NADK: variants seen among roughly 807,000 people sequenced by gnomAD.
The protein encoded by NADK is poly(P)/ATP NAD kinase.
NADK carries 22 observed loss-of-function variants against 49.8 expected under a neutral mutation model. The ratio of observed to expected loss-of-function variants is 0.44; its 90% confidence interval spans 0.32 to 0.63. NADK has a LOEUF of 0.63. NADK is among the 30% of genes least tolerant of loss of function. The probability of loss-of-function intolerance (pLI) is 0.06; values close to 1 mark genes in which losing one functional copy is unlikely to be tolerated. For synonymous variants in NADK, 268 were observed against 253.7 expected (o/e 1.06, Z -0.54); for missense variants, 438 against 609.4 (o/e 0.72, Z 2.96).
At chr1:1,759,680 C>CATG in intron 3 of NADK, 1 of 1,531,748 alleles carries the variant, frequency 6.5e-7, no homozygotes, top group Non-Finnish European at 8.8e-7. Flanking sequence ...GGGCGTGCTC[C>CATG]CATGGGGGTG....
chr1:1,769,142 A>ATGTGG (rs1645971591), intron 1 of NADK, among the ~76,000 whole-genome samples: 1 of 152,304 alleles, frequency 6.6e-6, no homozygotes, highest in Admixed American at 6.5e-5. Flanking sequence ...ACCAGGCGGG[A>ATGTGG]TGTGGTGGCT....
At position 1,752,927 on chromosome 1, in the gene NADK, C is replaced by A. The variant is rs1034499085; in HGVS notation, c.1318G>T (p.Glu440Ter). The A allele has an allele frequency of 3.1e-6, 5 of 1,602,902 alleles. No individual in the cohort carries two copies. The highest frequency in any genetic ancestry group is 4.3e-6 in the Non-Finnish European group (5 of 1,175,114). Residue 440 changes from glutamate to a stop codon, truncating the protein, a stop_gained, in exon 12 of 12, where the codon GAG becomes TAG. Coordinates refer to ENST00000341426, the MANE Select transcript of NADK (RefSeq NM_023018.5). LOFTEE classifies it high-confidence loss of function. ...RKKQAHFEEE[E>*]EEEEEG ...ACCTAGCCCTCCTCCTCCTCCTCCT[C>A]CTCCTCCTCGAAGTGGGCTTGCTTC...
chr1:1,763,858 A>C (rs1645804255), intron 2 of NADK, among the ~76,000 whole-genome samples: 1 of 152,160 alleles, frequency 6.6e-6, no homozygotes, highest in East Asian at 1.9e-4. Context: ...TGCTGTCATC[A>C]GGTTCAGAAT....
In NADK at chr1:1,762,052, G is replaced by A; in HGVS notation, c.180-17C>T. ...CGTGTCCTCCTGTGGGGAGAGGGCA[G>A]TGTCAGAGCCACCAGGGCCTGAAAC... On this transcript the variant is annotated splice_polypyrimidine_tract_variant and intron_variant, in intron 2 of 11. Coordinates refer to ENST00000341426, the MANE Select transcript of NADK (RefSeq NM_023018.5). 1 of 1,611,528 alleles carries A rather than the reference G, an allele frequency of 6.2e-7. No individual in the cohort carries two copies. Among genetic ancestry groups the A allele is most frequent in the Non-Finnish European group, 8.5e-7 (1 of 1,177,990 alleles).
chr1:1,765,556 G>T, intron 1 of NADK, 110 bp from the exon 2 acceptor site: 1 of 532,478 alleles, frequency 1.9e-6, no homozygotes, highest in Non-Finnish European at 3.1e-6. Context: ...AATGGCTGAA[G>T]TCCAATTTAC....
chr1:1,756,878 C>A lies in NADK; in HGVS notation c.394-270G>T, dbSNP rs780175471. The A allele has an allele frequency of 8.7e-6, 7 of 803,760 alleles. No individual in the cohort carries two copies. The South Asian group carries it at 9.4e-5, about 11-fold the overall frequency. The allele number at this position is 803,760 out of a possible 1,614,324, so 49.8% of individuals were successfully genotyped here. On this transcript the variant is annotated intron_variant, in intron 4 of 11. Transcript: ENST00000341426. ...CTGGGCGCCGCAACCCCCACGCCTG[C>A]TCTTCTGAAGAGAAGACACAGCAGG...
At chr1:1,759,287 G>A in intron 3 of NADK, 2 of 1,508,546 alleles carry the variant, frequency 1.3e-6, no homozygotes, top group Non-Finnish European at 1.8e-6. Context: ...CACGGCTGTG[G>A]GTACTGCACG....
intron 1 of NADK, among the ~76,000 whole-genome samples, chr1:1,776,230 G>A (rs140241351): frequency 0.011 from 1,670 of 152,132 alleles, 32 homozygotes; most frequent in African/African-American, 0.037. Flanking sequence ...TTTTCATCAC[G>A]AGCGCCACTT....
Position 1,754,976 on chromosome 1 carries a change from C to T in NADK, c.689-278G>A. ...AGCTGGAACTACGGGTGCGCACCACCACGCCCAGCTAATTTTTGTATTTTT... is the reference window on the plus strand; with the variant it reads ...AGCTGGAACTACGGGTGCGCACCACTACGCCCAGCTAATTTTTGTATTTTT... On this transcript the variant is annotated intron_variant, in intron 7 of 11. Coordinates refer to ENST00000341426, the MANE Select transcript of NADK (RefSeq NM_023018.5). This position sits in a 1 kb window ranked among gnomAD's most constrained non-coding sequence, Gnocchi z 4.3. The T allele has an allele frequency of 2.3e-6, 1 of 438,398 alleles. No individual in the cohort carries two copies. Among genetic ancestry groups the T allele is most frequent in the South Asian group, 2.9e-5 (1 of 34,916 alleles). The allele number at this position is 438,398 out of a possible 1,614,324, so 27.2% of individuals were successfully genotyped here.
intron 1 of NADK, among the ~76,000 whole-genome samples, chr1:1,769,080 G>A (rs1249664924): frequency 6.6e-6 from 1 of 152,216 alleles, no homozygotes; most frequent in African/African-American, 2.4e-5. Flanking sequence ...AATGTTTAGC[G>A]AGAATTGACA....
chr1:1,755,931 C>A, intron 6 of NADK: 1 of 499,980 alleles, frequency 2.0e-6, no homozygotes, highest in Non-Finnish European at 3.6e-6. Flanking sequence ...AGCTGTGCTG[C>A]TGAGAAACCA....
At chr1:1,759,297 G>T in intron 3 of NADK, 1 of 1,490,822 alleles carries the variant, frequency 6.7e-7, no homozygotes. Flanking sequence ...GGTACTGCAC[G>T]GAGAGGGCAG....
Position 1,761,961 on chromosome 1 carries a change from T to C in NADK, c.254A>G (p.Gln85Arg). 1 of 1,613,962 alleles carries C rather than the reference T, an allele frequency of 6.2e-7. No individual in the cohort carries two copies. Among genetic ancestry groups the C allele is most frequent in the Non-Finnish European group, 8.5e-7 (1 of 1,179,918 alleles). The change falls in exon 3 of 12, where the codon CAG becomes CGG. Residue 85 changes from glutamine (Q) to arginine (R), a missense_variant. Coordinates refer to ENST00000341426, the MANE Select transcript of NADK (RefSeq NM_023018.5). ...GGGCCCCAGCACTCACATGATGGTC[T>C]GGGGGTTCTGCAGCACACAGGCCTT... ...GPKACVLQNP[Q>R]TIMHIQDPAS...
chr1:1,762,736 G>C (rs983581763), intron 2 of NADK, among the ~76,000 whole-genome samples: 1 of 151,496 alleles, frequency 6.6e-6, no homozygotes, highest in Non-Finnish European at 1.5e-5. Flanking sequence ...CAGCCTGGCT[G>C]AAAAAAGTGA....
chr1:1,775,269 CACAAAT>C (rs768607175), intron 1 of NADK, among the ~76,000 whole-genome samples: 7 of 152,172 alleles, frequency 4.6e-5, no homozygotes, highest in Middle Eastern at 3.2e-3. Context: ...GTCACACACA[CACAAAT>C]ACAAACATAA....
At chr1:1,756,234 G>A (rs1645516389) in intron 6 of NADK, 24 bp downstream of exon 6, 1 of 1,605,648 alleles carries the variant, frequency 6.2e-7, no homozygotes, top group Admixed American at 1.7e-5. Flanking sequence ...ACCTGGTGTG[G>A]GTCTGGAAAT....
chr1:1,771,842 C>T (rs1419190722), intron 1 of NADK, among the ~76,000 whole-genome samples: 1 of 151,680 alleles, frequency 6.6e-6, no homozygotes, highest in East Asian at 1.9e-4. Flanking sequence ...GGATCTCCCA[C>T]TGTTGCCCAG....
At chr1:1,757,147 C>CGG in intron 4 of NADK, 34 bp downstream of exon 4, 31 of 1,416,998 alleles carry the variant, frequency 2.2e-5, no homozygotes, top group Non-Finnish European at 2.7e-5. Context: ...ACTCCATGTG[C>CGG]ACCCCAGGCC....
chr1:1,752,884 G>A lies in NADK; in HGVS notation c.*20C>T. ...GCTTGGAGGGCAGCGGAAGGATTCG[G>A]GCCTGGATAGGGGCTTGACCTAGCC... is the stretch of plus-strand genomic sequence containing the variant. On this transcript the variant is annotated 3_prime_UTR_variant, in exon 12 of 12. Coordinates refer to ENST00000341426, the MANE Select transcript of NADK (RefSeq NM_023018.5). 1 of 1,607,088 alleles carries A rather than the reference G, an allele frequency of 6.2e-7. No homozygotes were observed. The highest frequency in any genetic ancestry group is 8.5e-7 in the Non-Finnish European group (1 of 1,176,314).
Sources: gnomAD v4.1 joint callset for allele counts (sites outside exome capture counted in the v4.1 genomes callset) on GRCh38, gnomAD v4.1.1 for gene constraint, Gnocchi (gnomAD v3.1) non-coding constraint, MANE v1.5 for transcripts, NCBI Gene and HGNC (gene_info 2026-07-23, HGNC 2026-07-21) for gene names.